The following PDZD7 variants were observed in gnomAD, a reference collection of about 807,000 sequenced individuals.
PDZD7 encodes PDZ domain containing 7, also known as PDZ domain-containing protein 7.
In PDZD7, 72 loss-of-function variants were observed where a neutral mutation model predicts 84.7. That is an observed-to-expected ratio of 0.85 (90% CI 0.70 to 1.03). The LOEUF (loss-of-function observed/expected upper bound fraction) is 1.03. Among genes scored for constraint, PDZD7 ranks in the 50% least tolerant of loss-of-function variants. The pLI, the probability that PDZD7 is intolerant of heterozygous loss-of-function variation, is 0.00. For missense variants in PDZD7, 1,490 were observed against 1,412.9 expected, an observed-to-expected ratio of 1.05 and a Z score of -0.87; for synonymous variants, 594 against 580.7, an observed-to-expected ratio of 1.02 and a Z score of -0.33.
intron 1 of PDZD7, chr10:101,030,614 A>C (rs1938085089): frequency 7.8e-6 from 3 of 386,530 alleles, no homozygotes; most frequent in Non-Finnish European, 1.5e-5. Flanking sequence ...CTCGGGGCTG[A>C]GTCATCTACT....
At chr10:101,030,691 G>A (rs988511826) in intron 1 of PDZD7, 1 of 309,424 alleles carries the variant, frequency 3.2e-6, no homozygotes, top group Non-Finnish European at 6.4e-6. Flanking sequence ...GGGGCTTAGA[G>A]AGGTGTGAGA....
chr10:101,028,818 C>T (rs1482716195), intron 2 of PDZD7, among the ~76,000 whole-genome samples: 3 of 152,184 alleles, frequency 2.0e-5, no homozygotes, highest in South Asian at 4.1e-4. Flanking sequence ...CCAGAATGAC[C>T]GTGGTGACCC....
chr10:101,023,452 T>G lies in PDZD7; in HGVS notation c.526A>C (p.Lys176Gln). 6.2e-7 allele frequency: 1 copy of G among 1,614,000 alleles called. No individual in the cohort carries two copies. Among genetic ancestry groups the G allele is most frequent in the Non-Finnish European group, 8.5e-7 (1 of 1,179,994 alleles). Residue 176 changes from lysine to glutamine, a missense_variant, in exon 4 of 17, where the codon AAG (lysine) becomes CAG (glutamine). Physicochemically the swap from Lys to Gln is moderately conservative, Grantham distance 53. Coordinates refer to ENST00000619208, the MANE Select transcript of PDZD7 (RefSeq NM_001195263.2). The stretch of plus-strand genomic sequence containing the variant: ...GCTGCTCACCACGTGGTCTTCTCCT[T>G]GGAGAACTTGATGCCCGGCACACGG... ...MGRVPGIKFSKEKTTWVDVVN... is the reference protein window; with the variant it reads ...MGRVPGIKFSQEKTTWVDVVN...
In PDZD7 at chr10:101,019,508, G is replaced by A. The variant is rs551302955; in HGVS notation, c.929-291C>T. Among the ~76,000 whole-genome samples, 3 of 146,022 alleles carry A rather than the reference G, an allele frequency of 2.1e-5. No individual in the cohort carries two copies. In the East Asian group the frequency reaches 6.0e-4, roughly 29 times the overall value. On this transcript the variant is annotated intron_variant, in intron 7 of 16. Transcript: ENST00000619208. The stretch of plus-strand genomic sequence containing the variant: ...GACTGTGTGAAGGGTCTTGGTTCCT[G>A]TGCTTTTCTGCTTCCCCTTCTGCTT...
Position 101,010,569 on chromosome 10 carries a change from T to G in PDZD7, c.2320A>C (p.Ser774Arg). ...CTGCGGCTGCGGCTACGGCTGCGGC[T>G]ACGGCTCTGAGCCCGGCCCCGGATC... ...SQIRGRAQSR[S>R]RSRSRSRSRS... Residue 774 changes from serine (S) to arginine (R), a missense_variant, in exon 15 of 17, where the codon AGC becomes CGC. Ser to Arg is a moderately radical substitution (Grantham distance 110). Transcript: ENST00000619208. 1.3e-6 allele frequency: 2 copies of G among 1,486,834 alleles called. No homozygotes were observed. Among genetic ancestry groups the G allele is most frequent in the Non-Finnish European group, 1.8e-6 (2 of 1,105,754 alleles). 92.1% of individuals were successfully genotyped at this position (1,486,834 alleles called of 1,614,324 possible). A position where few individuals can be genotyped will look rare whatever the true frequency, so the allele number is the denominator to read the frequency against.
In PDZD7 at chr10:101,018,176, C is replaced by T. The variant is rs757870735; in HGVS notation, c.1445G>A (p.Arg482Gln). The T allele has an allele frequency of 1.7e-5, 27 of 1,614,112 alleles. No homozygotes were observed. The Admixed American group carries it at 4.2e-4, about 25-fold the overall frequency. ...TGTCCAGGCCTCTCTGCGCCCGTCC[C>T]GCGCTAGCCTCCCCTGCCGCCCTCC... ...FKGGRQGRLARDGRREAWTLD... is the reference protein window; with the variant it reads ...FKGGRQGRLAQDGRREAWTLD... The change falls in exon 9 of 17, where the codon CGG (arginine) becomes CAG (glutamine). Residue 482 changes from arginine to glutamine, a missense_variant. Physicochemically the swap from Arg to Gln is conservative, Grantham distance 43. Coordinates refer to ENST00000619208, the MANE Select transcript of PDZD7 (RefSeq NM_001195263.2).
intron 2 of PDZD7, among the ~76,000 whole-genome samples, chr10:101,024,835 A>ATGTGTG (rs61697970): frequency 6.1e-5 from 9 of 148,232 alleles, no homozygotes; most frequent in African/African-American, 9.9e-5. Context: ...CCTTCCTAAT[A>ATGTGTG]TGTGTGTGTG....
chr10:101,016,340 T>G, intron 10 of PDZD7, 37 bp downstream of exon 10: 1 of 1,549,360 alleles, frequency 6.5e-7, no homozygotes, highest in Non-Finnish European at 8.7e-7. Flanking sequence ...GCCGCTCTAC[T>G]GTAAACTAGG....
intron 11 of PDZD7, among the ~76,000 whole-genome samples, chr10:101,015,243 G>A (rs1300705215): frequency 1.3e-5 from 2 of 152,182 alleles, no homozygotes; most frequent in Non-Finnish European, 2.9e-5. Context: ...GCAGAGGCAG[G>A]CGACTGCAGG....
In PDZD7 at chr10:101,021,790, C is replaced by T. The variant is rs750437953; in HGVS notation, c.867+8G>A. The T allele has an allele frequency of 1.2e-6, 2 of 1,614,224 alleles. No homozygotes were observed. Among genetic ancestry groups the T allele is most frequent in the Non-Finnish European group, 1.7e-6 (2 of 1,180,040 alleles). ...CTCACCTCTCCCTACCCCCACTGTT[C>T]TGCCCACCTTGATGGTCAGCATGAT... is the stretch of plus-strand genomic sequence containing the variant. On this transcript the variant is annotated splice_region_variant and intron_variant, in intron 6 of 16. Coordinates refer to ENST00000619208, the MANE Select transcript of PDZD7 (RefSeq NM_001195263.2).
chr10:101,010,043 C>T (rs1450912468), intron 15 of PDZD7, among the ~76,000 whole-genome samples: 1 of 152,166 alleles, frequency 6.6e-6, no homozygotes, highest in Non-Finnish European at 1.5e-5. Flanking sequence ...CAGGCGCCCA[C>T]CACCACACAC....
chr10:101,030,317 CG>C lies in PDZD7; in HGVS notation c.-99del, dbSNP rs1261103227. 1 of 1,070,182 alleles carries C rather than the reference CG, an allele frequency of 9.3e-7. No homozygotes were observed. The highest frequency in any genetic ancestry group is 2.0e-5 in the Admixed American group (1 of 50,444). The allele number at this position is 1,070,182 out of a possible 1,614,324, so 66.3% of individuals were successfully genotyped here. On this transcript the variant is annotated 5_prime_UTR_variant, in exon 2 of 17. Coordinates refer to ENST00000619208, the MANE Select transcript of PDZD7 (RefSeq NM_001195263.2). ...GCTTCGAGCTCCATGAGCCTCTGTG[CG>C]GGGCTGGGGTCTCAGTAACGTGAAG...
In PDZD7 at chr10:101,010,464, T is replaced by C; in HGVS notation, c.2425A>G (p.Asn809Asp). ...TTCCGAGGCTTGTGGTAGCGCCCAT[T>C]GGTCATGCTGGGGGCAGGGGTAGGC... ...PVPTPAPSMT[N>D]GRYHKPRKAR... Residue 809 changes from asparagine to aspartate, a missense_variant, in exon 15 of 17, where the codon AAT becomes GAT. Physicochemically the swap from Asn to Asp is conservative, Grantham distance 23. Transcript: ENST00000619208. 1 of 1,535,534 alleles carries C rather than the reference T, an allele frequency of 6.5e-7. No individual in the cohort carries two copies. Among genetic ancestry groups the C allele is most frequent in the Non-Finnish European group, 8.7e-7 (1 of 1,146,640 alleles).
intron 8 of PDZD7, 66 bp downstream of exon 8, chr10:101,018,756 A>G: frequency 1.3e-6 from 2 of 1,491,208 alleles, no homozygotes; most frequent in South Asian, 2.7e-5. Context: ...AGCCCGGGAC[A>G]GGATGTGAGA....
Position 101,027,459 on chromosome 10 carries a change from A to G in PDZD7, c.226+2535T>C, listed in dbSNP as rs181229352. Among the ~76,000 whole-genome samples the G allele has an allele frequency of 1.1e-3, 174 of 152,244 alleles. 1 individual carries two copies. Among genetic ancestry groups the G allele is most frequent in the Non-Finnish European group, 2.0e-3 (135 of 68,002 alleles). On this transcript the variant is annotated intron_variant, in intron 2 of 16. Coordinates refer to ENST00000619208, the MANE Select transcript of PDZD7 (RefSeq NM_001195263.2). ...TCCTGGAGTGTCCTCCCTTCCTCCCAGTGAGTACCTCTTGTAGGGCTTCTC... is the reference window on the plus strand; with the variant it reads ...TCCTGGAGTGTCCTCCCTTCCTCCCGGTGAGTACCTCTTGTAGGGCTTCTC...
intron 2 of PDZD7, 113 bp downstream of exon 2, chr10:101,029,881 C>T (rs1937976819): frequency 1.7e-6 from 2 of 1,152,730 alleles, no homozygotes; most frequent in Non-Finnish European, 2.5e-6. Flanking sequence ...CCCTGTGACT[C>T]CCATCTCTTG....
chr10:101,015,112 T>TG (rs1416150978), intron 11 of PDZD7, among the ~76,000 whole-genome samples: 1 of 152,272 alleles, frequency 6.6e-6, no homozygotes, highest in East Asian at 1.9e-4. Flanking sequence ...GTTTAGGTGT[T>TG]GGGGGAGGCA....
In PDZD7 at chr10:101,008,663, A is replaced by C. The variant is rs1338502287; in HGVS notation, c.2906T>G (p.Leu969Arg). 1 of 1,535,970 alleles carries C rather than the reference A, an allele frequency of 6.5e-7. No individual in the cohort carries two copies. The highest frequency in any genetic ancestry group is 2.0e-5 in the Admixed American group (1 of 50,984). The change falls in exon 17 of 17, where the codon CTT (leucine) becomes CGT (arginine). Residue 969 changes from leucine to arginine, a missense_variant. Leu to Arg is a moderately radical substitution (Grantham distance 102). Transcript: ENST00000619208. Reference protein sequence around the residue: ...SDSSALTDGGLPADHLPAHQP... With the variant: ...SDSSALTDGGRPADHLPAHQP... The stretch of plus-strand genomic sequence containing the variant: ...GTGGGCAGGCAAGTGGTCAGCAGGA[A>C]GGCCCCCATCAGTAAGGGCTGATGA...
intron 2 of PDZD7, 25 bp downstream of exon 2, chr10:101,029,965 CCAGG>C: frequency 4.4e-6 from 7 of 1,573,404 alleles, no homozygotes; most frequent in Non-Finnish European, 6.1e-6. Context: ...CCTCCCCAAC[CCAGG>C]CCAGTGGCTG....
Sources: allele counts gnomAD v4.1 joint callset (sites outside exome capture counted in the v4.1 genomes callset), GRCh38; gene constraint gnomAD v4.1.1; transcripts MANE v1.5; gene names NCBI Gene and HGNC (gene_info 2026-07-23, HGNC 2026-07-21).